CLTCL1: variants seen among roughly 807,000 people sequenced by gnomAD.
The protein encoded by CLTCL1 is clathrin heavy chain like 1.
In CLTCL1, 159 loss-of-function variants were observed where a neutral mutation model predicts 190.0. The ratio of observed to expected loss-of-function variants is 0.84; its 90% CI spans 0.74 to 0.95. The LOEUF is 0.95. CLTCL1 is among the 40% of genes least tolerant of loss of function. The pLI, the probability that CLTCL1 is intolerant of heterozygous loss-of-function variation, is 0.00. For synonymous variants in CLTCL1, 752 were observed against 769.6 expected (o/e 0.98, Z 0.38); for missense variants, 1,878 against 2,033.4 (o/e 0.92, Z 1.47).
chr22:19,258,965 A>G (rs2086855157), intron 2 of CLTCL1, among the ~76,000 whole-genome samples: 1 of 152,184 alleles, frequency 6.6e-6, no homozygotes, highest in South Asian at 2.1e-4. Context: ...GGATATGACA[A>G]TAAAAGAAAA....
chr22:19,234,483 C>T (rs2086015418), intron 7 of CLTCL1, 26 bp downstream of exon 7: 1 of 1,584,790 alleles, frequency 6.3e-7, no homozygotes, highest in Non-Finnish European at 8.6e-7. Flanking sequence ...ACTCAGAACA[C>T]TTGAACAGTA....
chr22:19,247,740 T>C (rs1336285616), intron 3 of CLTCL1, among the ~76,000 whole-genome samples: 8 of 152,024 alleles, frequency 5.3e-5, no homozygotes, highest in Non-Finnish European at 1.5e-5. Flanking sequence ...TTTGTATTTT[T>C]AGTAAAGACG....
At chr22:19,258,664 T>G (rs2086845276) in intron 2 of CLTCL1, 1 of 649,554 alleles carries the variant, frequency 1.5e-6, no homozygotes. Context: ...CACCGCCTGC[T>G]GGAAGATGGG....
chr22:19,200,713 G>C (rs1325148549), intron 23 of CLTCL1, among the ~76,000 whole-genome samples: 1 of 152,158 alleles, frequency 6.6e-6, no homozygotes, highest in Non-Finnish European at 1.5e-5. Flanking sequence ...GTGGTGGCGG[G>C]CGCCTGTAGT....
chr22:19,284,188 T>G (rs1465812346), intron 1 of CLTCL1, among the ~76,000 whole-genome samples: 1 of 152,196 alleles, frequency 6.6e-6, no homozygotes, highest in Non-Finnish European at 1.5e-5. Flanking sequence ...TAAGTTGCAC[T>G]GAACATCCCC....
chr22:19,188,613 T>TC (rs1378170035), intron 27 of CLTCL1, among the ~76,000 whole-genome samples: 1 of 148,284 alleles, frequency 6.7e-6, no homozygotes, highest in Non-Finnish European at 1.5e-5. Flanking sequence ...AATTTCTTTT[T>TC]CTTTTTTTTT....
At chr22:19,203,163 A>C (rs1324145644) in intron 22 of CLTCL1, among the ~76,000 whole-genome samples, 2 of 152,124 alleles carry the variant, frequency 1.3e-5, no homozygotes, top group Non-Finnish European at 2.9e-5. Flanking sequence ...ACAAATAGAA[A>C]AATTAGCTGA....
chr22:19,194,056 T>C (rs1226710918), intron 26 of CLTCL1, among the ~76,000 whole-genome samples: 2 of 152,180 alleles, frequency 1.3e-5, no homozygotes. Context: ...AGAGCGCTAA[T>C]TGGTCCATTC....
Position 19,275,606 on chromosome 22 carries a change from A to C in CLTCL1, c.250+17T>G, listed in dbSNP as rs782572318. On this transcript the variant is annotated intron_variant, in intron 2 of 32. Transcript: ENST00000427926. ...AAATGAGGTAAGATTCCTTTCTAAC[A>C]ATCCCATCGGGTTTACCTTTCAGAG... is the stretch of plus-strand genomic sequence containing the variant. 7 of 1,580,374 alleles carry C rather than the reference A, an allele frequency of 4.4e-6. No homozygotes were observed. Among genetic ancestry groups the C allele is most frequent in the South Asian group, 1.2e-5 (1 of 86,814 alleles).
In CLTCL1 at chr22:19,226,439, A is replaced by G. The variant is rs930658943; in HGVS notation, c.1783-56T>C. On this transcript the variant is annotated intron_variant, in intron 11 of 32. Transcript: ENST00000427926. ...TGATCAATGGCAATAACTTTTTAAGACCAGCTGCTCAATCTTGCCCCAGGG... is the reference window on the plus strand; with the variant it reads ...TGATCAATGGCAATAACTTTTTAAGGCCAGCTGCTCAATCTTGCCCCAGGG... 41 of 1,598,750 alleles carry G rather than the reference A, an allele frequency of 2.6e-5. No individual in the cohort carries two copies. The African/African-American group carries it at 4.4e-4, about 17-fold the overall frequency.
intron 18 of CLTCL1, among the ~76,000 whole-genome samples, chr22:19,218,680 CT>C (rs1443096513): frequency 4.6e-5 from 7 of 152,192 alleles, no homozygotes; most frequent in Non-Finnish European, 8.8e-5. Context: ...CCTAAACAGT[CT>C]GCCTAGCACC....
chr22:19,205,308 G>C (rs1299353311), intron 22 of CLTCL1, among the ~76,000 whole-genome samples: 6 of 152,026 alleles, frequency 3.9e-5, no homozygotes, highest in Non-Finnish European at 8.8e-5. Context: ...ACAGGAGTTC[G>C]AGACCAGCCT....
At chr22:19,187,384 C>G (rs1202322725) in intron 29 of CLTCL1, among the ~76,000 whole-genome samples, 174 bp downstream of exon 29, 8 of 152,152 alleles carry the variant, frequency 5.3e-5, no homozygotes, top group Admixed American at 5.2e-4. Flanking sequence ...AATTCTTACT[C>G]TATGTTCTAA....
intron 3 of CLTCL1, among the ~76,000 whole-genome samples, chr22:19,243,626 A>C (rs1328520058): frequency 2.6e-5 from 4 of 151,874 alleles, no homozygotes; most frequent in Non-Finnish European, 4.4e-5. Context: ...CTCCAAAAAA[A>C]CCAAAACCCC....
At chr22:19,204,938 G>T (rs2085005401) in intron 22 of CLTCL1, among the ~76,000 whole-genome samples, 1 of 152,156 alleles carries the variant, frequency 6.6e-6, no homozygotes, top group Non-Finnish European at 1.5e-5. Flanking sequence ...CCGGCCCTAT[G>T]TGAGGGAGCT....
chr22:19,219,198 A>T (rs1307480555), intron 18 of CLTCL1, among the ~76,000 whole-genome samples: 2 of 134,712 alleles, frequency 1.5e-5, no homozygotes, highest in African/African-American at 3.1e-5. Context: ...TATTTATTTA[A>T]TTTTTTTGAG....
intron 1 of CLTCL1, among the ~76,000 whole-genome samples, chr22:19,283,721 G>C (rs1569261034): frequency 2.0e-5 from 3 of 152,100 alleles, no homozygotes; most frequent in Admixed American, 2.0e-4. Flanking sequence ...GCCAGACATG[G>C]TGGCTCATGC....
rs1555945811 is a variant in CLTCL1, at chr22:19,210,395, G to C, written c.3180C>G (p.Val1060=). Residue 1060 remains valine, a synonymous_variant, in exon 20 of 33, where the codon GTC becomes GTG. Coordinates refer to ENST00000427926, the MANE Select transcript of CLTCL1 (RefSeq NM_007098.4). The stretch of plus-strand genomic sequence containing the variant: ...AGGCCTCCTCATACAGTGCGCTGCT[G>C]ACAGCGATGCTCGCGATGTCCAGTG... The part of the protein sequence containing the change: ...YDALDIASIA[V]SSALYEEAFT... 1 of 1,613,890 alleles carries C rather than the reference G, an allele frequency of 6.2e-7. No individual in the cohort carries two copies. The highest frequency in any genetic ancestry group is 8.5e-7 in the Non-Finnish European group (1 of 1,179,900).
In CLTCL1 at chr22:19,222,085, A is replaced by G; in HGVS notation, c.2427T>C (p.Pro809=). The part of the protein sequence containing the change: ...YIEIYVQKVN[P]SRTPAVIGGL... The stretch of plus-strand genomic sequence containing the variant: ...CTCCAATCACAGCTGGGGTCCGGCT[A>G]GGGTTGACCTAGGGTAGTCAAGGTC... Residue 809 remains proline, a synonymous_variant, in exon 16 of 33, where the codon CCT becomes CCC. Transcript: ENST00000427926. The G allele has an allele frequency of 6.2e-7, 1 of 1,613,930 alleles. No homozygotes were observed. The highest frequency in any genetic ancestry group is 2.2e-5 in the East Asian group (1 of 44,868).
Sources: gnomAD v4.1 joint callset for allele counts (sites outside exome capture counted in the v4.1 genomes callset) on GRCh38, gnomAD v4.1.1 for gene constraint, MANE v1.5 for transcripts, NCBI Gene and HGNC (gene_info 2026-07-23, HGNC 2026-07-21) for gene names.